The following PTPN14 variants were observed in gnomAD, a reference collection of about 807,000 sequenced individuals.
PTPN14 encodes protein tyrosine phosphatase non-receptor type 14.
A neutral mutation model predicts 126.8 loss-of-function variants in PTPN14; 53 were observed. The ratio of observed to expected loss-of-function variants is 0.42; its 90% CI spans 0.34 to 0.53. The LOEUF (loss-of-function observed/expected upper bound fraction) is 0.53. Ranked by LOEUF, PTPN14 falls within the 20% of genes least tolerant of loss-of-function variation. PTPN14 has a pLI of 0.08. For missense variants in PTPN14, 1,257 were observed against 1,552.9 expected (o/e 0.81, Z 3.20); for synonymous variants, 630 against 599.3 (o/e 1.05, Z -0.75).
In PTPN14 at chr1:214,383,301, G is replaced by A. The variant is rs765841513; in HGVS notation, c.2544+10C>T. 6 of 1,600,894 alleles carry A rather than the reference G, an allele frequency of 3.7e-6. No individual in the cohort carries two copies. The highest frequency in any genetic ancestry group is 1.7e-5 in the Admixed American group (1 of 59,610). ...CACTGGAAAATGCCCTGGGAGAGGA[G>A]GACACTCACCCTGATCATCATCTCT... On this transcript the variant is annotated intron_variant, in intron 13 of 18. Coordinates refer to ENST00000366956, the MANE Select transcript of PTPN14 (RefSeq NM_005401.5). This position sits in a 1 kb window ranked among gnomAD's most constrained non-coding sequence, Gnocchi z 4.4.
rs1323284975 is a variant in PTPN14, at chr1:214,386,833, G to A, written c.1066+11C>T. The A allele has an allele frequency of 1.9e-6, 3 of 1,576,998 alleles. No homozygotes were observed. ...TTGTCTTAAGAAGGGAGAACGGCAAGCCAGAGTTACCTTGCGAGGTGTGCG... is the reference window on the plus strand; with the variant it reads ...TTGTCTTAAGAAGGGAGAACGGCAAACCAGAGTTACCTTGCGAGGTGTGCG... On this transcript the variant is annotated intron_variant, in intron 12 of 18. Coordinates refer to ENST00000366956, the MANE Select transcript of PTPN14 (RefSeq NM_005401.5).
At chr1:214,434,504 G>A (rs1410883911) in intron 3 of PTPN14, among the ~76,000 whole-genome samples, 1 of 150,876 alleles carries the variant, frequency 6.6e-6, no homozygotes, top group Non-Finnish European at 1.5e-5. Context: ...TTAACAGAAA[G>A]TGAATCAAAA....
At chr1:214,466,339 C>G (rs1312913359) in intron 1 of PTPN14, among the ~76,000 whole-genome samples, 2 of 151,708 alleles carry the variant, frequency 1.3e-5, no homozygotes, top group East Asian at 1.9e-4. Flanking sequence ...ACTCTTTGTC[C>G]TTTTTTTAAC....
chr1:214,532,632 C>T (rs1242439678), intron 1 of PTPN14: 8 of 892,832 alleles, frequency 9.0e-6, no homozygotes, highest in South Asian at 6.5e-5. Context: ...ATGCCTGCAT[C>T]GTTCTGCAGA....
chr1:214,387,906 A>G (rs1658660208), intron 11 of PTPN14, among the ~76,000 whole-genome samples: 1 of 152,058 alleles, frequency 6.6e-6, no homozygotes, highest in Non-Finnish European at 1.5e-5. Context: ...AAATATCTAA[A>G]ATGTGGCCCA....
intron 2 of PTPN14, among the ~76,000 whole-genome samples, chr1:214,453,581 G>A (rs1190603253): frequency 8.1e-6 from 1 of 123,044 alleles, no homozygotes; most frequent in African/African-American, 2.7e-5. Flanking sequence ...CATCATAAGT[G>A]GTACCTTCTA....
At chr1:214,413,057 C>T (rs918815865) in intron 4 of PTPN14, among the ~76,000 whole-genome samples, 2 of 151,642 alleles carry the variant, frequency 1.3e-5, no homozygotes, top group African/African-American at 4.9e-5. Context: ...TTACTTTTTT[C>T]GTAGAGACAG....
chr1:214,457,470 G>GATAC (rs1660408832), intron 2 of PTPN14, among the ~76,000 whole-genome samples: 1 of 152,156 alleles, frequency 6.6e-6, no homozygotes. Flanking sequence ...ATGAACTGAA[G>GATAC]GGTATCTCAG....
intron 3 of PTPN14, among the ~76,000 whole-genome samples, chr1:214,428,197 G>A (rs12047119): frequency 0.15 from 22,478 of 152,210 alleles, 1,906 homozygotes; most frequent in Middle Eastern, 0.28. Context: ...GGTTACAGTG[G>A]ACGCAGAAGG....
chr1:214,491,101 A>T (rs765642579), intron 1 of PTPN14, among the ~76,000 whole-genome samples: 1 of 152,098 alleles, frequency 6.6e-6, no homozygotes, highest in Non-Finnish European at 1.5e-5. Context: ...CAAATTGCTT[A>T]ATATGGCATA....
chr1:214,425,224 T>C (rs936575554), intron 3 of PTPN14, among the ~76,000 whole-genome samples: 3 of 152,124 alleles, frequency 2.0e-5, no homozygotes, highest in African/African-American at 7.2e-5. Context: ...ACAAAAAGCA[T>C]TATGATCATT....
chr1:214,533,637 C>T (rs1234175428), intron 1 of PTPN14, among the ~76,000 whole-genome samples: 1 of 151,954 alleles, frequency 6.6e-6, no homozygotes, highest in Admixed American at 6.5e-5. Flanking sequence ...CAAGACCATC[C>T]TGGCTAACAC....
chr1:214,549,722 C>T (rs146084284), intron 1 of PTPN14, among the ~76,000 whole-genome samples: 32 of 152,252 alleles, frequency 2.1e-4, no homozygotes, highest in African/African-American at 7.7e-4. Context: ...TTAATGAAAC[C>T]GAGCATGGGC....
At chr1:214,474,291 C>T (rs562810070) in intron 1 of PTPN14, among the ~76,000 whole-genome samples, 21 of 152,168 alleles carry the variant, frequency 1.4e-4, no homozygotes, top group Non-Finnish European at 2.5e-4. Flanking sequence ...TTGAGTATCA[C>T]CAAATCCTTA....
rs1390267539 is a variant in PTPN14, at chr1:214,351,735, A to T, written c.*6187T>A. ...TACCTCAACAGTGAAGACAGTTTAA[A>T]ACTATGAGCTAGGGTGAAATAGACT... On this transcript the variant is annotated 3_prime_UTR_variant, in exon 19 of 19. Transcript: ENST00000366956. 6.6e-6 allele frequency: 1 copy of T among 152,214 alleles called. No individual in the cohort carries two copies. The highest frequency in any genetic ancestry group is 1.5e-5 in the Non-Finnish European group (1 of 68,038). 9.4% of individuals were successfully genotyped at this position (152,214 alleles called of 1,614,324 possible). A position where few individuals can be genotyped will look rare whatever the true frequency, so the allele number is the denominator to read the frequency against.
chr1:214,532,677 A>G (rs1183448516), intron 1 of PTPN14: 6 of 827,820 alleles, frequency 7.2e-6, no homozygotes, highest in Non-Finnish European at 1.1e-5. Flanking sequence ...ATGACTTTAG[A>G]GTCAAGTATG....
chr1:214,523,574 C>T (rs1295282442), intron 1 of PTPN14, among the ~76,000 whole-genome samples: 3 of 152,312 alleles, frequency 2.0e-5, no homozygotes, highest in South Asian at 2.1e-4. Flanking sequence ...ATAATGTTTG[C>T]TCAACGACTA....
At chr1:214,488,647 T>C (rs4638091) in intron 1 of PTPN14, among the ~76,000 whole-genome samples, 43,857 of 152,178 alleles carry the variant, frequency 0.29, 6,845 homozygotes, top group East Asian at 0.43. Context: ...CTGAAAGGCG[T>C]CAGACACTGT....
chr1:214,497,841 T>G (rs1654572406), intron 1 of PTPN14, among the ~76,000 whole-genome samples: 1 of 152,100 alleles, frequency 6.6e-6, no homozygotes, highest in Non-Finnish European at 1.5e-5. Context: ...CATCAGCTAT[T>G]CTTAGGGGGA....
Sources: allele counts gnomAD v4.1 joint callset (sites outside exome capture counted in the v4.1 genomes callset), GRCh38; gene constraint gnomAD v4.1.1; non-coding constraint Gnocchi (gnomAD v3.1); transcripts MANE v1.5; gene names NCBI Gene and HGNC (gene_info 2026-07-23, HGNC 2026-07-21).